Variants in SLC24A3 observed in about 807,000 individuals in gnomAD.
SLC24A3 encodes sodium/potassium/calcium exchanger 3.
In SLC24A3, 28 loss-of-function variants were observed where a neutral mutation model predicts 75.8. The observed-to-expected ratio is 0.37, with a 90% CI of 0.27 to 0.51. The LOEUF (loss-of-function observed/expected upper bound fraction) is 0.51, where lower values mean the gene tolerates loss of function less well. SLC24A3 is among the 20% of genes least tolerant of loss of function. SLC24A3 has a pLI of 0.94. For synonymous variants in SLC24A3, 372 were observed against 334.1 expected (o/e 1.11, Z -1.24); for missense variants, 663 against 847.8 (o/e 0.78, Z 2.71).
At chr20:19,234,753 G>T (rs1335438762) in intron 1 of SLC24A3, among the ~76,000 whole-genome samples, 1 of 152,132 alleles carries the variant, frequency 6.6e-6, no homozygotes, top group African/African-American at 2.4e-5. Context: ...ATTTCTAAAG[G>T]GTCTGGGAAG....
At chr20:19,487,167 A>G (rs1186723953) in intron 2 of SLC24A3, among the ~76,000 whole-genome samples, 1 of 152,208 alleles carries the variant, frequency 6.6e-6, no homozygotes, top group Non-Finnish European at 1.5e-5. Flanking sequence ...CGTCTCCCAT[A>G]GAGCTGAGTG....
intron 2 of SLC24A3, among the ~76,000 whole-genome samples, chr20:19,311,357 A>C (rs1276371365): frequency 6.6e-6 from 1 of 152,106 alleles, no homozygotes; most frequent in Non-Finnish European, 1.5e-5. Context: ...AATCAGGATG[A>C]GGTCACTCAA....
intron 2 of SLC24A3, among the ~76,000 whole-genome samples, chr20:19,325,357 G>T (rs1392883894): frequency 6.6e-6 from 1 of 151,914 alleles, no homozygotes; most frequent in East Asian, 1.9e-4. Context: ...GAGGCAGGAG[G>T]ATCCCTTGAG....
intron 6 of SLC24A3, among the ~76,000 whole-genome samples, chr20:19,586,179 G>A (rs1600291311): frequency 6.6e-6 from 1 of 152,172 alleles, no homozygotes; most frequent in East Asian, 1.9e-4. Flanking sequence ...AAGGTGCTCA[G>A]AAGCCACTGC....
At chr20:19,491,227 G>A (rs1057146586) in intron 2 of SLC24A3, among the ~76,000 whole-genome samples, 3 of 152,164 alleles carry the variant, frequency 2.0e-5, no homozygotes, top group African/African-American at 7.2e-5. Context: ...GAGAGGGGAA[G>A]GGCTGTGCAC....
chr20:19,660,065 C>T (rs2032309370), intron 7 of SLC24A3, among the ~76,000 whole-genome samples: 1 of 152,116 alleles, frequency 6.6e-6, no homozygotes. Flanking sequence ...GACCCATCAC[C>T]CTCCCCTCCT....
At chr20:19,583,694 G>A (rs1022092526) in intron 4 of SLC24A3, among the ~76,000 whole-genome samples, 1 of 152,206 alleles carries the variant, frequency 6.6e-6, no homozygotes, top group Admixed American at 6.5e-5. Context: ...CCGCCTCCTG[G>A]CAGGTCTCGG....
intron 2 of SLC24A3, among the ~76,000 whole-genome samples, chr20:19,338,831 C>T (rs1034295937): frequency 1.3e-5 from 2 of 152,198 alleles, no homozygotes; most frequent in Non-Finnish European, 2.9e-5. Context: ...AATAAGCCCT[C>T]ACTCAATGAT....
At chr20:19,556,094 T>A (rs2030779232) in intron 3 of SLC24A3, among the ~76,000 whole-genome samples, 1 of 152,074 alleles carries the variant, frequency 6.6e-6, no homozygotes, top group African/African-American at 2.4e-5. Context: ...GGGGCCTCTT[T>A]TATAAGGATA....
At chr20:19,516,151 G>T (rs1005747484) in intron 3 of SLC24A3, among the ~76,000 whole-genome samples, 5 of 152,220 alleles carry the variant, frequency 3.3e-5, no homozygotes, top group African/African-American at 1.2e-4. Flanking sequence ...AACAAGAAAA[G>T]CTTGTTCTGT....
At chr20:19,560,946 G>T (rs371474617) in intron 3 of SLC24A3, among the ~76,000 whole-genome samples, 2 of 152,168 alleles carry the variant, frequency 1.3e-5, no homozygotes, top group African/African-American at 4.8e-5. Context: ...TCATATGTAC[G>T]TGTGGATGAG....
intron 9 of SLC24A3, among the ~76,000 whole-genome samples, chr20:19,675,415 C>T (rs1600333626): frequency 1.3e-5 from 2 of 152,340 alleles, no homozygotes; most frequent in East Asian, 3.9e-4. Context: ...TTCTGGTGAC[C>T]AGTGACTGAG....
intron 1 of SLC24A3, among the ~76,000 whole-genome samples, chr20:19,231,293 C>T (rs1429037931): frequency 2.6e-5 from 4 of 152,188 alleles, no homozygotes; most frequent in African/African-American, 4.8e-5. Context: ...AAGATGTTTA[C>T]GTCCGAATCC....
chr20:19,479,760 A>T lies in SLC24A3; in HGVS notation c.272-35728A>T, dbSNP rs556002037. ...GGCTGGAGCTGCATCAGGGGCATTA[A>T]CCCCTAGCTCTGGTCTGTCCCATTG... On this transcript the variant is annotated intron_variant, in intron 2 of 16. Coordinates refer to ENST00000328041, the MANE Select transcript of SLC24A3 (RefSeq NM_020689.4). Among the ~76,000 whole-genome samples, 4 of 152,162 alleles carry T rather than the reference A, an allele frequency of 2.6e-5. No individual in the cohort carries two copies. In the East Asian group the frequency reaches 7.8e-4, roughly 29 times the overall value.
At chr20:19,705,145 T>A (rs1434830963) in intron 15 of SLC24A3, among the ~76,000 whole-genome samples, 1 of 152,170 alleles carries the variant, frequency 6.6e-6, no homozygotes, top group African/African-American at 2.4e-5. Context: ...CTTCTTCAAC[T>A]TTATATAAAG....
At position 19,698,776 on chromosome 20, in the gene SLC24A3, G is replaced by C; in HGVS notation, c.1719+96G>C. 4.3e-6 allele frequency: 4 copies of C among 935,630 alleles called. No homozygotes were observed. In the South Asian group the frequency reaches 4.5e-5, roughly 10 times the overall value. The allele number at this position is 935,630 out of a possible 1,614,324, so 58.0% of individuals were successfully genotyped here. A position where few individuals can be genotyped will look rare whatever the true frequency, so the allele number is the denominator to read the frequency against. Reference sequence around the variant, plus strand: ...CAGGGTCTTTGTCTCGGGGAAAAAGGGGTGTAGAAATCGTAATATTGAGGG... The same window carrying C: ...CAGGGTCTTTGTCTCGGGGAAAAAGCGGTGTAGAAATCGTAATATTGAGGG... On this transcript the variant is annotated intron_variant, in intron 15 of 16. Coordinates refer to ENST00000328041, the MANE Select transcript of SLC24A3 (RefSeq NM_020689.4).
At chr20:19,503,107 T>G (rs1988411557) in intron 2 of SLC24A3, among the ~76,000 whole-genome samples, 1 of 151,462 alleles carries the variant, frequency 6.6e-6, no homozygotes, top group Admixed American at 6.6e-5. Flanking sequence ...TGCTCCAAAC[T>G]CTGACAGGTC....
chr20:19,304,267 G>A (rs1984267471), intron 2 of SLC24A3, among the ~76,000 whole-genome samples: 1 of 152,130 alleles, frequency 6.6e-6, no homozygotes, highest in Non-Finnish European at 1.5e-5. Context: ...CTAGGGATGG[G>A]ATGGCATCAT....
chr20:19,582,721 A>C (rs934667789), intron 4 of SLC24A3, among the ~76,000 whole-genome samples: 4 of 152,206 alleles, frequency 2.6e-5, no homozygotes, highest in Non-Finnish European at 4.4e-5. Context: ...CAGAGTTTAG[A>C]GAAATCCTAT....
Sources: gnomAD v4.1 joint callset for allele counts (sites outside exome capture counted in the v4.1 genomes callset) on GRCh38, gnomAD v4.1.1 for gene constraint, MANE v1.5 for transcripts, NCBI Gene and HGNC (gene_info 2026-07-23, HGNC 2026-07-21) for gene names.